Variants in ARHGEF25 observed in about 807,000 individuals in gnomAD.
The protein encoded by ARHGEF25 is RAC/CDC42 exchange factor.
ARHGEF25 carries 42 observed loss-of-function variants against 74.0 expected under a neutral mutation model. The observed-to-expected ratio is 0.57, with a 90% confidence interval of 0.44 to 0.73. The LOEUF is 0.73. ARHGEF25 is among the 30% of genes least tolerant of loss of function. The pLI is 0.00. For synonymous variants in ARHGEF25, 293 were observed against 278.6 expected (o/e 1.05, Z -0.51); for missense variants, 645 against 725.5 (o/e 0.89, Z 1.27).
chr12:57,613,359 G>C lies in ARHGEF25; in HGVS notation c.408G>C (p.Gln136His). ...TLLEGPGDKT[Q>H]PPEEETLSQA... ...TGGAGGGCCCTGGAGATAAGACGCA[G>C]GTGTGAGGACAGGCTCTGGGGAGGC... is the stretch of plus-strand genomic sequence containing the variant. The change falls in exon 3 of 15, where the codon CAG (glutamine) becomes CAC (histidine). Residue 136 changes from glutamine to histidine, a missense_variant and splice_region_variant. Gln to His is a conservative substitution (Grantham distance 24, BLOSUM62 0). Around this residue, in one of 3 missense-constraint regions of ARHGEF25, gnomAD observed 189 missense variants for 199.1 expected, o/e 0.95. Coordinates refer to ENST00000286494, the MANE Select transcript of ARHGEF25 (RefSeq NM_182947.4). 1 of 1,614,232 alleles carries C rather than the reference G, an allele frequency of 6.2e-7. No homozygotes were observed. Among genetic ancestry groups the C allele is most frequent in the Non-Finnish European group, 8.5e-7 (1 of 1,180,036 alleles).
At position 57,613,826 on chromosome 12, in the gene ARHGEF25, G is replaced by A. The variant is rs114100261; in HGVS notation, c.552+66G>A. On this transcript the variant is annotated intron_variant, in intron 5 of 14. Coordinates refer to ENST00000286494, the MANE Select transcript of ARHGEF25 (RefSeq NM_182947.4). ...TTCCATCTGCCCAGGGCTATTTTCA[G>A]GAGGTGCCTGGGCGCTCCTCTGTCC... 1,662 of 1,583,598 alleles carry A rather than the reference G, an allele frequency of 1.0e-3. 12 individuals carry two copies. In the African/African-American group the frequency reaches 0.015, roughly 15 times the overall value.
In ARHGEF25 at chr12:57,615,924, C is replaced by A. The variant is rs778066908; in HGVS notation, c.1327C>A (p.Arg443Ser). 1 of 1,614,142 alleles carries A rather than the reference C, an allele frequency of 6.2e-7. No individual in the cohort carries two copies. Among genetic ancestry groups the A allele is most frequent in the Non-Finnish European group, 8.5e-7 (1 of 1,179,996 alleles). Residue 443 changes from arginine (R) to serine (S), a missense_variant, in exon 13 of 15, where the codon CGC becomes AGC. By Grantham distance (110) the Arg-to-Ser change is moderately radical. Around this residue, in one of 3 missense-constraint regions of ARHGEF25, gnomAD observed 262 missense variants for 256.9 expected, o/e 1.02. Coordinates refer to ENST00000286494, the MANE Select transcript of ARHGEF25 (RefSeq NM_182947.4). ...CAGAGGGCCAGAGGGTGGGATCCAG[C>A]GCTATGTCCTGCAGGCTGCAGACCC... ...TSRGPEGGIQ[R>S]YVLQAADPAI...
Position 57,615,644 on chromosome 12 carries a change from A to T in ARHGEF25, c.1171A>T (p.Ser391Cys). Residue 391 changes from serine to cysteine, a missense_variant, in exon 12 of 15, where the codon AGT becomes TGT. This residue lies in a region of ARHGEF25 where 262 missense variants were observed against 256.9 expected (regional missense o/e 1.02). Coordinates refer to ENST00000286494, the MANE Select transcript of ARHGEF25 (RefSeq NM_182947.4). The stretch of plus-strand genomic sequence containing the variant: ...CCTCTTTGAGCAAATCATCATCTTC[A>T]GTGAAGCCCTGGGAGGAGGAGTGAG... ...VFLFEQIIIF[S>C]EALGGGVRGG... 1 of 1,614,088 alleles carries T rather than the reference A, an allele frequency of 6.2e-7. No individual in the cohort carries two copies. Among genetic ancestry groups the T allele is most frequent in the Non-Finnish European group, 8.5e-7 (1 of 1,180,014 alleles).
chr12:57,613,276 G>A lies in ARHGEF25; in HGVS notation c.325G>A (p.Glu109Lys). The A allele has an allele frequency of 6.2e-7, 1 of 1,614,138 alleles. No individual in the cohort carries two copies. The highest frequency in any genetic ancestry group is 8.5e-7 in the Non-Finnish European group (1 of 1,179,992). ...QAGPYENWML[E>K]PALATGEELP... is the part of the protein sequence containing the mutation. Reference sequence around the variant, plus strand: ...TTCTGGCCCCCAGAACTGGATGTTGGAGCCAGCTCTAGCCACAGGAGAGGA... The same window carrying A: ...TTCTGGCCCCCAGAACTGGATGTTGAAGCCAGCTCTAGCCACAGGAGAGGA... Residue 109 changes from glutamate to lysine, a missense_variant, in exon 3 of 15, where the codon GAG (glutamate) becomes AAG (lysine). This residue lies in a region of ARHGEF25 where 189 missense variants were observed against 199.1 expected (regional missense o/e 0.95). Coordinates refer to ENST00000286494, the MANE Select transcript of ARHGEF25 (RefSeq NM_182947.4).
Position 57,615,537 on chromosome 12 carries a change from T to A in ARHGEF25, c.1064T>A (p.Leu355His). The A allele has an allele frequency of 6.2e-7, 1 of 1,614,122 alleles. No homozygotes were observed. The highest frequency in any genetic ancestry group is 8.5e-7 in the Non-Finnish European group (1 of 1,180,016). ...FEGKLTAQGK[L>H]LGQDTFWVTE... ...GGCAAACTGACTGCTCAGGGGAAGCTCTTGGGCCAGGACACTTTCTGGGTC... is the reference window on the plus strand; with the variant it reads ...GGCAAACTGACTGCTCAGGGGAAGCACTTGGGCCAGGACACTTTCTGGGTC... Residue 355 changes from leucine to histidine, a missense_variant, in exon 12 of 15, where the codon CTC becomes CAC. Leu to His is a moderately conservative substitution (Grantham distance 99). Transcript: ENST00000286494.
Position 57,611,980 on chromosome 12 carries a change from G to C in ARHGEF25, c.86G>C (p.Arg29Pro). 3 of 1,302,762 alleles carry C rather than the reference G, an allele frequency of 2.3e-6. No individual in the cohort carries two copies. The highest frequency in any genetic ancestry group is 3.0e-6 in the Non-Finnish European group (3 of 1,015,356). 80.7% of individuals were successfully genotyped at this position (1,302,762 alleles called of 1,614,324 possible). Residue 29 changes from arginine (R) to proline (P), a missense_variant, in exon 1 of 15, where the codon CGG (arginine) becomes CCG (proline). Arg to Pro is a moderately radical substitution (Grantham distance 103). Transcript: ENST00000286494. This position sits in a 1 kb window ranked among gnomAD's most constrained non-coding sequence, Gnocchi z 4.5. ...VLAKCGCCFA[R>P]GGRESYSIAG... Reference sequence around the variant, plus strand: ...GCAAAATGCGGCTGCTGCTTCGCCCGGGGGGGACGTGGTGAGTGCCAGGTC... The same window carrying C: ...GCAAAATGCGGCTGCTGCTTCGCCCCGGGGGGACGTGGTGAGTGCCAGGTC...
rs199921459 is a variant in ARHGEF25 at position 57,616,010 on chromosome 12, C to T, written c.1413C>T (p.Phe471=). The change falls in exon 13 of 15, where the codon TTC becomes TTT. Residue 471 remains phenylalanine, a synonymous_variant. Transcript: ENST00000286494. Reference sequence around the variant, plus strand: ...AGATCTTGGAGAGCCAACGGGACTTCCTCAACGGTGAAGCTCTCATCCTTT... The same window carrying T: ...AGATCTTGGAGAGCCAACGGGACTTTCTCAACGGTGAAGCTCTCATCCTTT... ...VAQILESQRD[F]LNALQSPIEY... The T allele has an allele frequency of 7.2e-4, 1,163 of 1,611,202 alleles. 15 individuals carry two copies. The South Asian group carries it at 0.012, about 16-fold the overall frequency.
rs781266800 is a variant in ARHGEF25, at chr12:57,614,048, C to A, written c.585C>A (p.Val195=). ...GYMATMAAQG[V]PESLRGRDRI... ...TGGCCACCATGGCTGCTCAGGGGGT[C>A]CCCGAGAGTCTTCGAGGCCGTGACA... Residue 195 remains valine (V), a synonymous_variant, in exon 6 of 15, where the codon GTC becomes GTA. Transcript: ENST00000286494. The surrounding 1 kb of genome is among the most constrained non-coding windows in gnomAD (Gnocchi z 4.6). The A allele has an allele frequency of 5.6e-6, 9 of 1,614,064 alleles. No homozygotes were observed. In the East Asian group the frequency reaches 2.0e-4, roughly 36 times the overall value.
At chr12:57,610,197 G>T, upstream of ARHGEF25, 2 of 1,545,464 alleles carry the variant, frequency 1.3e-6, no homozygotes, top group South Asian at 2.3e-5. Flanking sequence ...CTGAAACTTG[G>T]AGCAGGGTGG....
At chr12:57,610,454 C>T (rs1883991986), upstream of ARHGEF25, 4 of 1,106,400 alleles carry the variant, frequency 3.6e-6, no homozygotes, top group South Asian at 4.9e-5. Flanking sequence ...GGGCCATAGC[C>T]CCGTTCTGGG....
Position 57,614,686 on chromosome 12 carries a change from C to T in ARHGEF25, c.817-3C>T. ...TGCATAACCACCCTGTCCCTGTCCCCAGGAGCTCCGGCAGCAGCTGGGGCA... is the reference window on the plus strand; with the variant it reads ...TGCATAACCACCCTGTCCCTGTCCCTAGGAGCTCCGGCAGCAGCTGGGGCA... On this transcript the variant is annotated splice_polypyrimidine_tract_variant and splice_region_variant and intron_variant, in intron 8 of 14. Transcript: ENST00000286494. The surrounding 1 kb of genome is among the most constrained non-coding windows in gnomAD (Gnocchi z 4.6). 6.2e-7 allele frequency: 1 copy of T among 1,613,646 alleles called. No individual in the cohort carries two copies. Among genetic ancestry groups the T allele is most frequent in the Non-Finnish European group, 8.5e-7 (1 of 1,179,908 alleles).
At chr12:57,615,808 T>C (rs372958579) in intron 12 of ARHGEF25, 29 bp from the exon 13 acceptor site, 1 of 1,612,192 alleles carries the variant, frequency 6.2e-7, no homozygotes, top group Non-Finnish European at 8.5e-7. Context: ...CTGAGGAATC[T>C]GGGGGCTGTC....
At position 57,616,827 on chromosome 12, in the gene ARHGEF25, T is replaced by TTGGAGAGA; in HGVS notation, c.1676_1677insTGGAGAGA (p.Ser560GlyfsTer27). 6.2e-7 allele frequency: 1 copy of TTGGAGAGA among 1,613,976 alleles called. No individual in the cohort carries two copies. Among genetic ancestry groups the TTGGAGAGA allele is most frequent in the Non-Finnish European group, 8.5e-7 (1 of 1,179,914 alleles). On this transcript the variant is annotated frameshift_variant, in exon 15 of 15. Coordinates refer to ENST00000286494, the MANE Select transcript of ARHGEF25 (RefSeq NM_182947.4). LOFTEE classifies it high-confidence loss of function. ...CAGGCTCCCCATGACTCTCCTCCAG[T>TTGGAGAGA]CTCTCCAACTCCAAAAACCCCTCCC...
upstream of ARHGEF25, chr12:57,610,317 T>C: frequency 7.1e-7 from 1 of 1,405,690 alleles, no homozygotes; most frequent in East Asian, 2.6e-5. Context: ...CAGGAGGGGG[T>C]AAGAATGGGG....
Position 57,617,024 on chromosome 12 carries a change from G to T in ARHGEF25, c.*130G>T, listed in dbSNP as rs2140226200. The T allele has an allele frequency of 5.8e-6, 4 of 690,092 alleles. No individual in the cohort carries two copies. Among genetic ancestry groups the T allele is most frequent in the South Asian group, 1.9e-5 (1 of 52,796 alleles). 42.7% of individuals were successfully genotyped at this position (690,092 alleles called of 1,614,324 possible). A position where few individuals can be genotyped will look rare whatever the true frequency, so the allele number is the denominator to read the frequency against. ...CTGGAGGGTGGGCAAGGCTGGGAGG[G>T]ATATCAACTTGGAGGAGAACACCTA... On this transcript the variant is annotated 3_prime_UTR_variant, in exon 15 of 15. Transcript: ENST00000286494.
chr12:57,613,260 C>A lies in ARHGEF25; in HGVS notation c.313-4C>A, dbSNP rs1275620966. The A allele has an allele frequency of 6.2e-7, 1 of 1,614,048 alleles. No individual in the cohort carries two copies. Among genetic ancestry groups the A allele is most frequent in the Non-Finnish European group, 8.5e-7 (1 of 1,179,950 alleles). The stretch of plus-strand genomic sequence containing the variant: ...ACCTCTGACACTTGATTTCTGGCCC[C>A]CAGAACTGGATGTTGGAGCCAGCTC... On this transcript the variant is annotated splice_polypyrimidine_tract_variant and splice_region_variant and intron_variant, in intron 2 of 14. Transcript: ENST00000286494.
Position 57,614,081 on chromosome 12 carries a change from G to A in ARHGEF25, c.618G>A (p.Val206=), listed in dbSNP as rs749479774. The part of the protein sequence containing the change: ...PESLRGRDRI[V]FGNIQQIYEW... ...GTCTTCGAGGCCGTGACAGGATTGTGTTTGGGAATATCCAGCAAATCTATG... is the reference window on the plus strand; with the variant it reads ...GTCTTCGAGGCCGTGACAGGATTGTATTTGGGAATATCCAGCAAATCTATG... Residue 206 remains valine (V), a synonymous_variant, in exon 6 of 15, where the codon GTG becomes GTA. Coordinates refer to ENST00000286494, the MANE Select transcript of ARHGEF25 (RefSeq NM_182947.4). This position sits in a 1 kb window ranked among gnomAD's most constrained non-coding sequence, Gnocchi z 4.6. The A allele has an allele frequency of 3.1e-6, 5 of 1,614,172 alleles. No individual in the cohort carries two copies. The South Asian group carries it at 4.4e-5, about 14-fold the overall frequency.
chr12:57,613,244 A>C lies in ARHGEF25; in HGVS notation c.313-20A>C, dbSNP rs746483028. 1.9e-6 allele frequency: 3 copies of C among 1,613,722 alleles called. No homozygotes were observed. The highest frequency in any genetic ancestry group is 2.5e-6 in the Non-Finnish European group (3 of 1,179,764). On this transcript the variant is annotated intron_variant, in intron 2 of 14. Transcript: ENST00000286494. Reference sequence around the variant, plus strand: ...CCAGCTACTGTCCCCGACCTCTGACACTTGATTTCTGGCCCCCAGAACTGG... The same window carrying C: ...CCAGCTACTGTCCCCGACCTCTGACCCTTGATTTCTGGCCCCCAGAACTGG...
chr12:57,611,736 C>T lies in ARHGEF25; in HGVS notation c.-159C>T, dbSNP rs879896423. The T allele has an allele frequency of 5.0e-6, 6 of 1,192,006 alleles. No individual in the cohort carries two copies. Among genetic ancestry groups the T allele is most frequent in the Non-Finnish European group, 6.2e-6 (6 of 962,266 alleles). The allele number at this position is 1,192,006 out of a possible 1,614,324, so 73.8% of individuals were successfully genotyped here. ...CTCAAGACTAGACTTCCGCCTACCC[C>T]TGGACACCTCCTCCCGGTCCCCTCC... On this transcript the variant is annotated 5_prime_UTR_variant, in exon 1 of 15. Coordinates refer to ENST00000286494, the MANE Select transcript of ARHGEF25 (RefSeq NM_182947.4). The surrounding 1 kb of genome is among the most constrained non-coding windows in gnomAD (Gnocchi z 4.5).
Sources: allele counts gnomAD v4.1 joint callset, GRCh38; gene constraint gnomAD v4.1.1; regional missense constraint gnomAD v4.1.1; non-coding constraint Gnocchi (gnomAD v3.1); transcripts MANE v1.5; gene names NCBI Gene and HGNC (gene_info 2026-07-23, HGNC 2026-07-21).